The following FGF14 variants were observed in gnomAD, a reference collection of about 807,000 sequenced individuals.
FGF14 encodes fibroblast growth factor 14.
FGF14 carries 5 observed loss-of-function variants against 25.5 expected under a neutral mutation model. The observed-to-expected ratio is 0.20, with a 90% CI of 0.10 to 0.41. FGF14 has a LOEUF of 0.41. FGF14 is among the 10% of genes least tolerant of loss of function. The pLI is 1.00. For missense variants in FGF14, 222 were observed against 320.1 expected (o/e 0.69, Z 2.34); for synonymous variants, 138 against 118.3 (o/e 1.17, Z -1.08).
In FGF14 at chr13:101,739,758, C is replaced by T. The variant is rs1188565700; in HGVS notation, c.409-12948G>A. On this transcript the variant is annotated intron_variant, in intron 3 of 4. Transcript: ENST00000376143. ...CATTAAGGGTGAGGGAAGAGAGAGA[C>T]GCTCTCATATTGTTTTATACTCAGT... Among the ~76,000 whole-genome samples the T allele has an allele frequency of 5.3e-5, 8 of 152,040 alleles. 1 individual carries two copies. Among genetic ancestry groups the T allele is most frequent in the South Asian group, 4.1e-4 (2 of 4,820 alleles).
At chr13:102,247,371 A>C (rs563733695) in intron 1 of FGF14, among the ~76,000 whole-genome samples, 1 of 152,278 alleles carries the variant, frequency 6.6e-6, no homozygotes, top group African/African-American at 2.4e-5. Flanking sequence ...TAAAGAACTT[A>C]AAGAAATTTA....
rs188145427 is a variant in FGF14 at position 102,051,138 on chromosome 13, G to A, written c.209-175842C>T. On this transcript the variant is annotated intron_variant, in intron 1 of 4. Transcript: ENST00000376131. ...CCCACTCATGTCTCAGGCACATGGAGTGAGGACTTAGCTCTGGGGCCCACA... is the reference window on the plus strand; with the variant it reads ...CCCACTCATGTCTCAGGCACATGGAATGAGGACTTAGCTCTGGGGCCCACA... Among the ~76,000 whole-genome samples the A allele has an allele frequency of 1.1e-3, 167 of 152,312 alleles. 1 individual carries two copies. The highest frequency in any genetic ancestry group is 1.7e-3 in the Non-Finnish European group (115 of 68,022).
Position 102,006,727 on chromosome 13 carries a change from C to CTTTTTTTTTT in FGF14, c.209-131441_209-131432dup, listed in dbSNP as rs774872814. 3.6e-4 allele frequency among the ~76,000 whole-genome samples: 22 copies of CTTTTTTTTTT among 61,966 alleles called. 3 individuals are homozygous for CTTTTTTTTTT. The highest frequency in any genetic ancestry group is 1.6e-3 in the East Asian group (3 of 1,898). 40.7% of individuals were successfully genotyped at this position (61,966 alleles called of 152,430 possible). ...AAATATGAGTCACAAAATCTTACTT[C>CTTTTTTTTTT]TTTTTTTTTTTTTTTTTTTTTTTTT... On this transcript the variant is annotated intron_variant, in intron 1 of 4. Transcript: ENST00000376131.
chr13:102,023,181 T>C (rs1453690780), intron 1 of FGF14, among the ~76,000 whole-genome samples: 1 of 151,960 alleles, frequency 6.6e-6, no homozygotes, highest in African/African-American at 2.4e-5. Flanking sequence ...AACCCTAATA[T>C]CAGCTGTTCA....
chr13:101,836,301 C>A (rs1348743854), intron 3 of FGF14, among the ~76,000 whole-genome samples: 1 of 152,034 alleles, frequency 6.6e-6, no homozygotes, highest in Non-Finnish European at 1.5e-5. Flanking sequence ...ATTTTCCTCC[C>A]TCCAAAATAG....
intron 1 of FGF14, among the ~76,000 whole-genome samples, chr13:102,231,998 T>C (rs148357123): frequency 2.6e-5 from 4 of 152,358 alleles, no homozygotes; most frequent in African/African-American, 9.6e-5. Context: ...AAGTGCAAAC[T>C]ATATTAGAGT....
At chr13:101,859,027 T>C (rs2044272464) in intron 3 of FGF14, among the ~76,000 whole-genome samples, 1 of 152,142 alleles carries the variant, frequency 6.6e-6, no homozygotes, top group South Asian at 2.1e-4. Flanking sequence ...TATCATGCTC[T>C]TTCAGCAAAG....
chr13:101,780,709 A>T (rs1389455092), intron 3 of FGF14, among the ~76,000 whole-genome samples: 1 of 151,682 alleles, frequency 6.6e-6, no homozygotes, highest in African/African-American at 2.4e-5. Context: ...GATTTTTCCC[A>T]CTCCCTTCAA....
At chr13:102,207,831 G>A (rs2049999428) in intron 1 of FGF14, among the ~76,000 whole-genome samples, 1 of 152,070 alleles carries the variant, frequency 6.6e-6, no homozygotes, top group Non-Finnish European at 1.5e-5. Context: ...TCTGTTCATA[G>A]CTGCACAGTG....
chr13:101,855,905 T>TTC (rs1029653017), intron 3 of FGF14, among the ~76,000 whole-genome samples: 2 of 148,800 alleles, frequency 1.3e-5, no homozygotes, highest in Non-Finnish European at 3.0e-5. Flanking sequence ...TCCTACAAGT[T>TTC]TTTTTTTTTT....
chr13:102,192,166 A>T (rs1400671725), intron 1 of FGF14, among the ~76,000 whole-genome samples: 3 of 152,200 alleles, frequency 2.0e-5, no homozygotes, highest in African/African-American at 7.2e-5. Context: ...TGACCTGATG[A>T]TCTCTGAATT....
chr13:102,216,595 A>G (rs1017802161), intron 1 of FGF14, among the ~76,000 whole-genome samples: 4 of 152,236 alleles, frequency 2.6e-5, no homozygotes, highest in African/African-American at 9.6e-5. Flanking sequence ...ATACATGTGT[A>G]AATTGTATAA....
intron 1 of FGF14, among the ~76,000 whole-genome samples, chr13:101,976,534 T>C (rs1328032352): frequency 6.6e-6 from 1 of 152,192 alleles, no homozygotes; most frequent in African/African-American, 2.4e-5. Context: ...ATGGGTGTAT[T>C]GTACCCAAGT....
intron 1 of FGF14, among the ~76,000 whole-genome samples, chr13:102,319,000 G>C (rs949279628): frequency 1.3e-5 from 2 of 152,166 alleles, no homozygotes; most frequent in Non-Finnish European, 2.9e-5. Context: ...ATTGAGCATT[G>C]AAGACTATTG....
chr13:101,845,384 T>A (rs1031133149), intron 3 of FGF14, among the ~76,000 whole-genome samples: 1 of 151,944 alleles, frequency 6.6e-6, no homozygotes, highest in Non-Finnish European at 1.5e-5. Flanking sequence ...TTATAACAGC[T>A]GGGTAGGGAG....
rs1262043743 is a variant in FGF14 at position 101,903,050 on chromosome 13, G to T, written c.193+13403C>A. 3.9e-5 allele frequency among the ~76,000 whole-genome samples: 6 copies of T among 152,060 alleles called. No individual in the cohort carries two copies. The South Asian group carries it at 6.2e-4, about 16-fold the overall frequency. Reference sequence around the variant, plus strand: ...TAGATCAGCTTGCCAGTTTTCTGGGGTTTTTTGTTTGTTTGTATATTGCTC... The same window carrying T: ...TAGATCAGCTTGCCAGTTTTCTGGGTTTTTTTGTTTGTTTGTATATTGCTC... On this transcript the variant is annotated intron_variant, in intron 1 of 4. Transcript: ENST00000376143.
intron 3 of FGF14, among the ~76,000 whole-genome samples, chr13:101,755,231 T>C (rs1259110669): frequency 2.0e-5 from 3 of 152,152 alleles, no homozygotes; most frequent in African/African-American, 7.2e-5. Context: ...CAAAGATGCA[T>C]AACATAAGAA....
chr13:102,375,804 T>C (rs2058027007), intron 1 of FGF14, among the ~76,000 whole-genome samples: 1 of 152,190 alleles, frequency 6.6e-6, no homozygotes. Context: ...ATCTTGTTCC[T>C]TAAAAAGATC....
chr13:101,917,636 C>T (rs532848620), upstream of FGF14, among the ~76,000 whole-genome samples: 1 of 152,106 alleles, frequency 6.6e-6, no homozygotes, highest in Admixed American at 6.5e-5. Context: ...CCCGTCGCCA[C>T]CCCCAACCCC....
Sources: allele counts gnomAD v4.1 joint callset (sites outside exome capture counted in the v4.1 genomes callset), GRCh38; gene constraint gnomAD v4.1.1; transcripts MANE v1.5; gene names NCBI Gene and HGNC (gene_info 2026-07-23, HGNC 2026-07-21).